Variants in NRCAM observed in about 807,000 individuals in gnomAD.
The protein encoded by NRCAM is neuronal cell adhesion molecule.
NRCAM carries 83 observed loss-of-function variants against 156.5 expected under a neutral mutation model. The observed-to-expected ratio is 0.53, with a 90% CI of 0.44 to 0.64. NRCAM has a LOEUF of 0.64. Ranked by LOEUF, NRCAM falls within the 30% of genes least tolerant of loss-of-function variation. The pLI is 0.00. For synonymous variants in NRCAM, 538 were observed against 563.9 expected (o/e 0.95, Z 0.65); for missense variants, 1,417 against 1,597.3 (o/e 0.89, Z 1.92).
rs1356039476 is a variant in NRCAM at position 108,191,869 on chromosome 7, A to T, written c.1779-16T>A. 1 of 1,609,954 alleles carries T rather than the reference A, an allele frequency of 6.2e-7. No individual in the cohort carries two copies. The highest frequency in any genetic ancestry group is 1.1e-5 in the South Asian group (1 of 90,850). Reference sequence around the variant, plus strand: ...AACAGTGAACCTGTGGATAGAATGCATTCAGAGCAGCTGAAATGGACATGC... The same window carrying T: ...AACAGTGAACCTGTGGATAGAATGCTTTCAGAGCAGCTGAAATGGACATGC... On this transcript the variant is annotated splice_polypyrimidine_tract_variant and intron_variant, in intron 17 of 32. Transcript: ENST00000379028.
chr7:108,412,060 T>C (rs1426280282), intron 1 of NRCAM, among the ~76,000 whole-genome samples: 4 of 152,302 alleles, frequency 2.6e-5, no homozygotes, highest in South Asian at 2.1e-4. Context: ...AAATATCAAA[T>C]TGACTTCCAA....
intron 1 of NRCAM, among the ~76,000 whole-genome samples, chr7:108,416,090 G>A (rs1322500947): frequency 6.6e-6 from 1 of 152,228 alleles, no homozygotes; most frequent in Non-Finnish European, 1.5e-5. Context: ...GTCCAGAAGA[G>A]TGATTCTTCC....
At chr7:108,222,701 A>C (rs996057934) in intron 11 of NRCAM, among the ~76,000 whole-genome samples, 1 of 152,128 alleles carries the variant, frequency 6.6e-6, no homozygotes, top group Non-Finnish European at 1.5e-5. Context: ...TCCTGAAGTC[A>C]AGTTTTCCTG....
intron 4 of NRCAM, 76 bp from the exon 5 acceptor site, chr7:108,237,845 T>C: frequency 1.8e-6 from 2 of 1,130,188 alleles, no homozygotes; most frequent in Non-Finnish European, 2.5e-6. Flanking sequence ...ATAAGAACGT[T>C]AGAACTCTGA....
chr7:108,299,114 A>AAAAAAAAAAAAAGAAAGAAAGAAAGAAAG, intron 3 of NRCAM, among the ~76,000 whole-genome samples: 3 of 25,514 alleles, frequency 1.2e-4, no homozygotes, highest in African/African-American at 3.2e-4. Flanking sequence ...TCAAAAAAAA[A>AAAAAAAAAAAAAGAAAGAAAGAAAGAAAG]AAAGAAAGAA....
At chr7:108,176,969 G>A (rs923425992) in intron 26 of NRCAM, among the ~76,000 whole-genome samples, 1 of 152,058 alleles carries the variant, frequency 6.6e-6, no homozygotes, top group African/African-American at 2.4e-5. Context: ...TTTTGCCAAA[G>A]GAACCATTTT....
At chr7:108,402,418 C>T (rs2099795329) in intron 1 of NRCAM, among the ~76,000 whole-genome samples, 1 of 152,138 alleles carries the variant, frequency 6.6e-6, no homozygotes. Context: ...CCTAATTATA[C>T]TGTGTCAGAA....
chr7:108,295,213 C>T (rs1176985827), intron 3 of NRCAM, among the ~76,000 whole-genome samples: 5 of 152,136 alleles, frequency 3.3e-5, no homozygotes, highest in East Asian at 1.9e-4. Flanking sequence ...ACAGAGGGCT[C>T]GCTCTGTACT....
At chr7:108,167,741 C>T (rs2055604865) in intron 29 of NRCAM, among the ~76,000 whole-genome samples, 1 of 152,104 alleles carries the variant, frequency 6.6e-6, no homozygotes, top group African/African-American at 2.4e-5. Context: ...GCCCCATCTC[C>T]CAGTAGATGT....
In NRCAM at chr7:108,160,204, T is replaced by C. The variant is rs547521579; in HGVS notation, c.3598+157A>G. Among the ~76,000 whole-genome samples the C allele has an allele frequency of 1.0e-3, 154 of 152,266 alleles. 1 individual carries two copies. The highest frequency in any genetic ancestry group is 9.6e-4 in the Non-Finnish European group (65 of 68,018). ...TCATTGACAATGTTTAGATTGCCAT[T>C]ATATAAAAAGGGATCAAAAGTCATT... On this transcript the variant is annotated intron_variant, in intron 31 of 32. Coordinates refer to ENST00000379028, the MANE Select transcript of NRCAM (RefSeq NM_001037132.4).
chr7:108,312,805 T>G (rs1359431581), intron 2 of NRCAM, 74 bp from the exon 3 acceptor site: 2 of 152,110 alleles, frequency 1.3e-5, no homozygotes, highest in Admixed American at 1.3e-4. Context: ...GTCAATATAT[T>G]AACTCCAACT....
intron 3 of NRCAM, among the ~76,000 whole-genome samples, chr7:108,284,351 C>A (rs1207880518): frequency 6.6e-6 from 1 of 151,988 alleles, no homozygotes; most frequent in Non-Finnish European, 1.5e-5. Context: ...CTTTTACTTT[C>A]TTTATTTAGG....
At chr7:108,178,452 G>C in intron 25 of NRCAM, 1 of 379,318 alleles carries the variant, frequency 2.6e-6, no homozygotes, top group South Asian at 2.1e-5. Context: ...GCTACCAAGT[G>C]AAACTATTCT....
At chr7:108,324,228 C>T (rs1473743793) in intron 2 of NRCAM, among the ~76,000 whole-genome samples, 1 of 151,926 alleles carries the variant, frequency 6.6e-6, no homozygotes, top group African/African-American at 2.4e-5. Flanking sequence ...ACATAAAAGG[C>T]TCTTACAATA....
intron 3 of NRCAM, among the ~76,000 whole-genome samples, chr7:108,291,850 A>C (rs1017922300): frequency 2.6e-5 from 4 of 152,198 alleles, no homozygotes; most frequent in Non-Finnish European, 5.9e-5. Context: ...TTTCTGAAAG[A>C]ACACTGTGGT....
Position 108,191,678 on chromosome 7 carries a change from T to C in NRCAM, c.1903+51A>G, listed in dbSNP as rs147393119. The C allele has an allele frequency of 2.3e-4, 356 of 1,543,140 alleles. 1 individual carries two copies. In the African/African-American group the frequency reaches 4.3e-3, roughly 19 times the overall value. ...TATAATTTTTATCTTATTTTTTCTT[T>C]TCAACCAAATGCAGGGAAGCCAGTT... On this transcript the variant is annotated intron_variant, in intron 18 of 32. Coordinates refer to ENST00000379028, the MANE Select transcript of NRCAM (RefSeq NM_001037132.4).
intron 2 of NRCAM, among the ~76,000 whole-genome samples, chr7:108,383,107 ACT>A (rs1438343978): frequency 1.3e-5 from 2 of 149,554 alleles, no homozygotes; most frequent in African/African-American, 4.9e-5. Context: ...CTATTCAACC[ACT>A]GAGTCACACC....
intron 13 of NRCAM, among the ~76,000 whole-genome samples, chr7:108,202,380 T>C (rs1469825527): frequency 1.3e-5 from 2 of 152,230 alleles, no homozygotes; most frequent in Non-Finnish European, 2.9e-5. Context: ...CATAATTTCA[T>C]TTTAAAAAGA....
intron 3 of NRCAM, among the ~76,000 whole-genome samples, chr7:108,264,116 T>A: frequency 6.6e-6 from 1 of 152,138 alleles, no homozygotes; most frequent in Non-Finnish European, 1.5e-5. Flanking sequence ...TAGCTGGTAT[T>A]ACAGGTGCGT....
Sources: allele counts gnomAD v4.1 joint callset (sites outside exome capture counted in the v4.1 genomes callset), GRCh38; gene constraint gnomAD v4.1.1; transcripts MANE v1.5; gene names NCBI Gene and HGNC (gene_info 2026-07-23, HGNC 2026-07-21).